The following FRYL variants were observed in gnomAD, a reference collection of about 807,000 sequenced individuals.
FRYL encodes the protein protein furry homolog-like.
A neutral mutation model predicts 351.2 loss-of-function variants in FRYL; 150 were observed. The ratio of observed to expected loss-of-function variants is 0.43; its 90% CI spans 0.37 to 0.49. FRYL has a LOEUF of 0.49. FRYL is among the 20% of genes least tolerant of loss of function. FRYL has a pLI of 0.00. For synonymous variants in FRYL, 1,153 were observed against 1,257.1 expected (o/e 0.92, Z 1.75); for missense variants, 3,036 against 3,619.3 (o/e 0.84, Z 4.13).
rs1029256157 is a variant in FRYL, at chr4:48,552,155, C to G, written c.4436-577G>C. Reference sequence around the variant, plus strand: ...CACATGCTAAAATTTGAGACTGCACCCCCCCCAACATCCTTCTTACCCCAC... The same window carrying G: ...CACATGCTAAAATTTGAGACTGCACGCCCCCCAACATCCTTCTTACCCCAC... On this transcript the variant is annotated intron_variant, in intron 36 of 63. Coordinates refer to ENST00000358350, the MANE Select transcript of FRYL (RefSeq NM_015030.2). Among the ~76,000 whole-genome samples the G allele has an allele frequency of 3.3e-5, 5 of 151,874 alleles. No individual in the cohort carries two copies. In the East Asian group the frequency reaches 5.8e-4, roughly 18 times the overall value.
rs1422328434 is a variant in FRYL, at chr4:48,549,847, C to T, written c.4634-224G>A. ...AGATTAATTTAGGTTCCACCCTGTA[C>T]GTCAAAGCAAAACTATATTAGCACT... On this transcript the variant is annotated intron_variant, in intron 38 of 63. Transcript: ENST00000358350. This position sits in a 1 kb window ranked among gnomAD's most constrained non-coding sequence, Gnocchi z 4.2. Among the ~76,000 whole-genome samples, 4 of 152,214 alleles carry T rather than the reference C, an allele frequency of 2.6e-5. No individual in the cohort carries two copies. The highest frequency in any genetic ancestry group is 6.5e-5 in the Admixed American group (1 of 15,292).
Position 48,548,915 on chromosome 4 carries a change from G to C in FRYL, c.4785-122C>G, listed in dbSNP as rs1203049496. The stretch of plus-strand genomic sequence containing the variant: ...TCATGGAAAAATACAACTTATCAAG[G>C]AAAAAGGAGGAAAAACAAATACAGC... On this transcript the variant is annotated intron_variant, in intron 39 of 63. Transcript: ENST00000358350. 8.6e-6 allele frequency: 5 copies of C among 582,390 alleles called. No individual in the cohort carries two copies. In the Admixed American group the frequency reaches 1.0e-4, roughly 12 times the overall value. 36.1% of individuals were successfully genotyped at this position (582,390 alleles called of 1,614,324 possible).
rs1737180806 is a variant in FRYL at position 48,567,949 on chromosome 4, T to C, written c.2997-529A>G. 6.6e-6 allele frequency among the ~76,000 whole-genome samples: 1 copy of C among 152,204 alleles called. No individual in the cohort carries two copies. The highest frequency in any genetic ancestry group is 1.5e-5 in the Non-Finnish European group (1 of 68,032). On this transcript the variant is annotated intron_variant, in intron 27 of 63. Coordinates refer to ENST00000358350, the MANE Select transcript of FRYL (RefSeq NM_015030.2). The surrounding 1 kb of genome is among the most constrained non-coding windows in gnomAD (Gnocchi z 4.2). Reference sequence around the variant, plus strand: ...AGTACTGGGTTTCAAAACCTTTCTATACCTATGAAATTGCCTTTAAGAATA... The same window carrying C: ...AGTACTGGGTTTCAAAACCTTTCTACACCTATGAAATTGCCTTTAAGAATA...
At chr4:48,594,155 T>A (rs1380139775) in intron 15 of FRYL, 139 bp from the exon 16 acceptor site, 5 of 459,964 alleles carry the variant, frequency 1.1e-5, no homozygotes, top group Non-Finnish European at 1.9e-5. Flanking sequence ...AAAATACATA[T>A]GAATTAAGGT....
intron 55 of FRYL, among the ~76,000 whole-genome samples, chr4:48,517,875 T>C (rs541585316): frequency 2.0e-4 from 30 of 152,350 alleles, no homozygotes; most frequent in Non-Finnish European, 3.4e-4. Flanking sequence ...TCAAAATTAA[T>C]TATATTCTTT....
At chr4:48,652,933 C>T (rs1280314994) in intron 3 of FRYL, among the ~76,000 whole-genome samples, 1 of 152,012 alleles carries the variant, frequency 6.6e-6, no homozygotes, top group Non-Finnish European at 1.5e-5. Flanking sequence ...TTTCTTTGAC[C>T]AAAACAAACA....
intron 1 of FRYL, among the ~76,000 whole-genome samples, chr4:48,726,229 A>C (rs971978447): frequency 6.6e-6 from 1 of 152,248 alleles, no homozygotes; most frequent in African/African-American, 2.4e-5. Flanking sequence ...GCAAGTAATC[A>C]GAAAAATAAA....
intron 35 of FRYL, among the ~76,000 whole-genome samples, chr4:48,554,378 G>A (rs551574261): frequency 1.1e-3 from 161 of 149,332 alleles, no homozygotes; most frequent in African/African-American, 3.8e-3. Context: ...TCGCTCTGTC[G>A]CCCAGGCTAG....
At chr4:48,621,181 A>C (rs1327481243) in intron 5 of FRYL, among the ~76,000 whole-genome samples, 2 of 152,220 alleles carry the variant, frequency 1.3e-5, no homozygotes, top group African/African-American at 2.4e-5. Context: ...TTGCCACTAC[A>C]TGGATGAAAA....
intron 1 of FRYL, among the ~76,000 whole-genome samples, chr4:48,719,043 TC>T (rs956282553): frequency 2.6e-5 from 4 of 151,688 alleles, no homozygotes; most frequent in Middle Eastern, 3.4e-3. Context: ...ATCTTTGGCC[TC>T]CCCTCTCTCA....
chr4:48,760,941 G>A (rs1774340054), intron 1 of FRYL, among the ~76,000 whole-genome samples: 2 of 151,688 alleles, frequency 1.3e-5, no homozygotes, highest in African/African-American at 4.8e-5. Flanking sequence ...GTCTCCCAAA[G>A]TGCTGCGATT....
At chr4:48,772,120 G>A (rs1177195059) in intron 1 of FRYL, among the ~76,000 whole-genome samples, 1 of 152,124 alleles carries the variant, frequency 6.6e-6, no homozygotes, top group Non-Finnish European at 1.5e-5. Context: ...TAATAAGTAA[G>A]GTATAAGTAT....
intron 1 of FRYL, among the ~76,000 whole-genome samples, chr4:48,772,627 T>C (rs772378050): frequency 1.5e-5 from 2 of 134,312 alleles, no homozygotes; most frequent in East Asian, 2.2e-4. Flanking sequence ...TTCTTTACTA[T>C]TGAACTAAAT....
At chr4:48,699,805 G>T (rs1766550809) in intron 2 of FRYL, among the ~76,000 whole-genome samples, 1 of 152,044 alleles carries the variant, frequency 6.6e-6, no homozygotes, top group East Asian at 1.9e-4. Flanking sequence ...TCAGTTTACT[G>T]GTGTTCAGGG....
chr4:48,534,587 C>T lies in FRYL; in HGVS notation c.6663G>A (p.Gln2221=), dbSNP rs771127185. The T allele has an allele frequency of 2.5e-6, 4 of 1,612,854 alleles. No individual in the cohort carries two copies. Among genetic ancestry groups the T allele is most frequent in the Non-Finnish European group, 2.5e-6 (3 of 1,179,256 alleles). ...TAATCTTTATGATCTCCAGATTAAA[C>T]TGCTTGGCTGGGGCTGCAGACAGGT... ...HIDLSAAPAK[Q]FNLEIIKIIG... is the part of the protein sequence containing the mutation. Residue 2221 remains glutamine (Q), a synonymous_variant, in exon 49 of 64, where the codon CAG becomes CAA. Coordinates refer to ENST00000358350, the MANE Select transcript of FRYL (RefSeq NM_015030.2).
chr4:48,624,903 A>G (rs1751458998), intron 4 of FRYL, among the ~76,000 whole-genome samples: 1 of 152,184 alleles, frequency 6.6e-6, no homozygotes, highest in South Asian at 2.1e-4. Flanking sequence ...TGCCTGACCG[A>G]CTTGAGCTAG....
intron 45 of FRYL, among the ~76,000 whole-genome samples, chr4:48,541,254 A>T (rs984467113): frequency 6.6e-6 from 1 of 152,182 alleles, no homozygotes; most frequent in Non-Finnish European, 1.5e-5. Flanking sequence ...TTAGGCATAC[A>T]TTATGTCCAA....
At chr4:48,596,429 A>G (rs1382930783) in intron 13 of FRYL, among the ~76,000 whole-genome samples, 4 of 152,164 alleles carry the variant, frequency 2.6e-5, no homozygotes, top group African/African-American at 9.7e-5. Context: ...AGTCATTTGC[A>G]TTTACGAAAT....
chr4:48,546,375 C>A, intron 41 of FRYL, 104 bp from the exon 42 acceptor site: 1 of 865,814 alleles, frequency 1.2e-6, no homozygotes, highest in Non-Finnish European at 1.8e-6. Context: ...ACACATGAGG[C>A]AATCTGTCAG....
Sources: allele counts gnomAD v4.1 joint callset (sites outside exome capture counted in the v4.1 genomes callset), GRCh38; gene constraint gnomAD v4.1.1; non-coding constraint Gnocchi (gnomAD v3.1); transcripts MANE v1.5; gene names NCBI Gene and HGNC (gene_info 2026-07-23, HGNC 2026-07-21).